CAMK2B: variants seen among roughly 807,000 people sequenced by gnomAD.
The protein encoded by CAMK2B is calcium/calmodulin-dependent protein kinase type II subunit beta.
In CAMK2B, 27 loss-of-function variants were observed where a neutral mutation model predicts 93.7. The ratio of observed to expected loss-of-function variants is 0.29; its 90% CI spans 0.21 to 0.40. The LOEUF (loss-of-function observed/expected upper bound fraction) is 0.40. Ranked by LOEUF, CAMK2B falls within the 10% of genes least tolerant of loss-of-function variation. The pLI is 1.00. For missense variants in CAMK2B, 568 were observed against 895.8 expected, an observed-to-expected ratio of 0.63 and a Z score of 4.67; for synonymous variants, 374 against 358.8, an observed-to-expected ratio of 1.04 and a Z score of -0.48.
intron 10 of CAMK2B, 48 bp from the exon 11 acceptor site, chr7:44,241,831 G>T: frequency 6.7e-7 from 1 of 1,492,876 alleles, no homozygotes; most frequent in Non-Finnish European, 9.3e-7. Context: ...GAGGCACAGG[G>T]GAGAGGCCAG....
At position 44,318,054 on chromosome 7, in the gene CAMK2B, G is replaced by A. The variant is rs565977934; in HGVS notation, c.65+7303C>T. 2.6e-5 allele frequency among the ~76,000 whole-genome samples: 4 copies of A among 152,294 alleles called. No individual in the cohort carries two copies. The South Asian group carries it at 8.3e-4, about 32-fold the overall frequency. On this transcript the variant is annotated intron_variant, in intron 1 of 23. Coordinates refer to ENST00000395749, the MANE Select transcript of CAMK2B (RefSeq NM_001220.5). ...GGTTGGGGTTGAGAACCACCACATG[G>A]TCATCTTCTTTGGGAGGGCCTGCTC...
rs1391698519 is a variant in CAMK2B, at chr7:44,258,919, G to A, written c.228C>T (p.Leu76=). The A allele has an allele frequency of 6.2e-7, 1 of 1,613,902 alleles. No individual in the cohort carries two copies. The highest frequency in any genetic ancestry group is 1.1e-5 in the South Asian group (1 of 91,060). ...RLLKHSNIVR[L]HDSISEEGFH... is the part of the protein sequence containing the mutation. ...AGCCCTCCTCGGAGATGCTGTCGTG[G>A]AGACGCACTGTGGGGACAGAGAAGC... Residue 76 remains leucine (L), a synonymous_variant, in exon 4 of 24, where the codon CTC becomes CTT. Coordinates refer to ENST00000395749, the MANE Select transcript of CAMK2B (RefSeq NM_001220.5).
At chr7:44,235,048 C>T (rs2096613091) in intron 13 of CAMK2B, among the ~76,000 whole-genome samples, 1 of 152,214 alleles carries the variant, frequency 6.6e-6, no homozygotes, top group Admixed American at 6.5e-5. Context: ...CTAGCTGTGT[C>T]AGGTTGGGGT....
intron 1 of CAMK2B, among the ~76,000 whole-genome samples, chr7:44,313,039 C>G (rs1228695384): frequency 6.6e-6 from 1 of 152,102 alleles, no homozygotes; most frequent in Non-Finnish European, 1.5e-5. Flanking sequence ...CAGCAGGACC[C>G]TCGGGGCTGG....
At chr7:44,284,286 G>C (rs1476722508) in intron 1 of CAMK2B, 61 bp from the exon 2 acceptor site, 17 of 1,227,292 alleles carry the variant, frequency 1.4e-5, no homozygotes, top group Non-Finnish European at 1.8e-5. Flanking sequence ...GAAAGAGAGA[G>C]AGCCGATTAA....
rs972157565 is a variant in CAMK2B, at chr7:44,325,461, C to T, written c.-40G>A. 2 of 1,030,760 alleles carry T rather than the reference C, an allele frequency of 1.9e-6. No homozygotes were observed. Among genetic ancestry groups the T allele is most frequent in the African/African-American group, 1.7e-5 (1 of 58,012 alleles). 63.9% of individuals were successfully genotyped at this position (1,030,760 alleles called of 1,614,324 possible). On this transcript the variant is annotated 5_prime_UTR_variant, in exon 1 of 24. Coordinates refer to ENST00000395749, the MANE Select transcript of CAMK2B (RefSeq NM_001220.5). ...GGCTCGGCGTGCGCTCGGCTGCGCT[C>T]GGGCGGCGGCGACTCCGGCTCCCGC...
At chr7:44,255,397 C>T (rs952770097) in intron 4 of CAMK2B, among the ~76,000 whole-genome samples, 2 of 152,172 alleles carry the variant, frequency 1.3e-5, no homozygotes, top group African/African-American at 2.4e-5. Context: ...GGGAGTAGGA[C>T]GGAGCCCTCT....
In CAMK2B at chr7:44,284,126, C is replaced by A; in HGVS notation, c.160+5G>T. The stretch of plus-strand genomic sequence containing the variant: ...CAGCTGCGCAGGACACTCCCCATGC[C>A]CTACCTCTGGCTGACAGCTTCTTGG... On this transcript the variant is annotated splice_donor_5th_base_variant and intron_variant, in intron 2 of 23. Transcript: ENST00000395749. 3 of 1,608,604 alleles carry A rather than the reference C, an allele frequency of 1.9e-6. No homozygotes were observed. The highest frequency in any genetic ancestry group is 2.6e-6 in the Non-Finnish European group (3 of 1,175,322).
chr7:44,321,124 C>T (rs140064933), intron 1 of CAMK2B, among the ~76,000 whole-genome samples: 251 of 152,312 alleles, frequency 1.6e-3, no homozygotes, highest in African/African-American at 5.4e-3. Context: ...AAAGCAAATA[C>T]GATGATCCCT....
At chr7:44,232,968 G>T in intron 15 of CAMK2B, 102 bp from the exon 16 acceptor site, 2 of 1,037,694 alleles carry the variant, frequency 1.9e-6, no homozygotes, top group South Asian at 1.3e-5. Context: ...AGGAGGTGTG[G>T]GTGGCCAGAG....
chr7:44,308,352 G>A (rs1017331619), intron 1 of CAMK2B, among the ~76,000 whole-genome samples: 5 of 152,132 alleles, frequency 3.3e-5, no homozygotes, highest in Non-Finnish European at 5.9e-5. Context: ...GAAGGCCCAG[G>A]TGGCTGGGGG....
chr7:44,283,340 G>T (rs965484840), intron 2 of CAMK2B, among the ~76,000 whole-genome samples: 1 of 151,914 alleles, frequency 6.6e-6, no homozygotes, highest in East Asian at 1.9e-4. Context: ...GGGAGACCCC[G>T]TGAGGGCAGG....
In CAMK2B at chr7:44,248,369, C is replaced by T. The variant is rs1270073073; in HGVS notation, c.342-1177G>A. ...GGAGCCCCTGCACACACCGAGAGCC[C>T]GTGGCTTGAATCTGCTTCTGCCCAG... On this transcript the variant is annotated intron_variant, in intron 5 of 23. Coordinates refer to ENST00000395749, the MANE Select transcript of CAMK2B (RefSeq NM_001220.5). This position sits in a 1 kb window ranked among gnomAD's most constrained non-coding sequence, Gnocchi z 4.1. Among the ~76,000 whole-genome samples, 2 of 152,182 alleles carry T rather than the reference C, an allele frequency of 1.3e-5. No homozygotes were observed. Among genetic ancestry groups the T allele is most frequent in the African/African-American group, 2.4e-5 (1 of 41,434 alleles).
chr7:44,269,378 A>G (rs1427151244), intron 2 of CAMK2B, among the ~76,000 whole-genome samples: 1 of 152,126 alleles, frequency 6.6e-6, no homozygotes, highest in Non-Finnish European at 1.5e-5. Context: ...TTAAGGTTAC[A>G]TGGTTTGGTA....
intron 1 of CAMK2B, among the ~76,000 whole-genome samples, chr7:44,303,791 C>T (rs1303709288): frequency 6.6e-6 from 1 of 152,120 alleles, no homozygotes; most frequent in African/African-American, 2.4e-5. Context: ...GTGGAAGACA[C>T]TTATGAGAAT....
chr7:44,290,486 C>A (rs1046121949), intron 1 of CAMK2B, among the ~76,000 whole-genome samples: 3 of 152,232 alleles, frequency 2.0e-5, no homozygotes. Context: ...CTCAGGCCAC[C>A]TACGTCCTTT....
At chr7:44,281,250 C>A (rs1477345287) in intron 2 of CAMK2B, among the ~76,000 whole-genome samples, 3 of 152,270 alleles carry the variant, frequency 2.0e-5, no homozygotes, top group Admixed American at 2.0e-4. Context: ...CTGCACTGGG[C>A]AGTGCCAGGA....
intron 1 of CAMK2B, among the ~76,000 whole-genome samples, chr7:44,322,400 T>A (rs532944224): frequency 1.3e-5 from 2 of 152,334 alleles, no homozygotes; most frequent in Non-Finnish European, 2.9e-5. Context: ...ATAATTTTTT[T>A]AAAAAAGGAC....
chr7:44,283,992 T>A, intron 2 of CAMK2B, 139 bp downstream of exon 2: 1 of 633,100 alleles, frequency 1.6e-6, no homozygotes, highest in East Asian at 2.7e-5. Context: ...CCACTGCATC[T>A]GTGCATGGAG....
Sources: allele counts gnomAD v4.1 joint callset (sites outside exome capture counted in the v4.1 genomes callset), GRCh38; gene constraint gnomAD v4.1.1; non-coding constraint Gnocchi (gnomAD v3.1); transcripts MANE v1.5; gene names NCBI Gene and HGNC (gene_info 2026-07-23, HGNC 2026-07-21).